The following CYP2D6 variants were observed in gnomAD, a reference collection of about 807,000 sequenced individuals.
CYP2D6 encodes cytochrome P450 2D6.
Under a neutral mutation model 43.5 loss-of-function variants are expected in CYP2D6, and 51 were observed. That is an observed-to-expected ratio of 1.17 (90% CI 0.94 to 1.48). The LOEUF (loss-of-function observed/expected upper bound fraction) is 1.48. Ranked by LOEUF, CYP2D6 falls within the 40% of genes most tolerant of loss-of-function variation. The probability of loss-of-function intolerance (pLI) is 0.00; values close to 1 mark genes in which losing one functional copy is unlikely to be tolerated. For missense variants in CYP2D6, 698 were observed against 688.0 expected, an observed-to-expected ratio of 1.01 and a Z score of -0.16; for synonymous variants, 346 against 297.1, an observed-to-expected ratio of 1.16 and a Z score of -1.69.
chr22:42,129,775 G>C lies in CYP2D6; in HGVS notation c.315C>G (p.Pro105=). Residue 105 remains proline, a synonymous_variant, in exon 2 of 9, where the codon CCC becomes CCG. Transcript: ENST00000645361. The part of the protein sequence containing the change: ...GEDTADRPPV[P]ITQILGFGPR... The stretch of plus-strand genomic sequence containing the variant: ...GCCCGAAACCCAGGATCTGGGTGAT[G>C]GGCACAGGCGGGCGGTCGGCGGTGT... The C allele has an allele frequency of 6.2e-7, 1 of 1,609,010 alleles. No homozygotes were observed. The highest frequency in any genetic ancestry group is 8.5e-7 in the Non-Finnish European group (1 of 1,178,018).
Position 42,127,031 on chromosome 22 carries a change from C to G in CYP2D6, c.1174-39G>C, listed in dbSNP as rs1299094468. The stretch of plus-strand genomic sequence containing the variant: ...GCAGGGTGAGAGTGGGGACTGGACT[C>G]TAGGATGCTGGGACCCCTGCCACCA... On this transcript the variant is annotated intron_variant, in intron 7 of 8. Coordinates refer to ENST00000645361, the MANE Select transcript of CYP2D6 (RefSeq NM_000106.6). The G allele has an allele frequency of 3.0e-5, 48 of 1,582,860 alleles. 2 individuals are homozygous for G. The highest frequency in any genetic ancestry group is 5.3e-5 in the Admixed American group (3 of 56,364).
In CYP2D6 at chr22:42,129,765, T is replaced by A. The variant is rs78459009; in HGVS notation, c.325A>T (p.Ile109Phe). The A allele has an allele frequency of 3.1e-6, 5 of 1,609,436 alleles. 2 individuals are homozygous for A. The East Asian group carries it at 6.7e-5, about 22-fold the overall frequency. ...TGGGAACGCGGCCCGAAACCCAGGA[T>A]CTGGGTGATGGGCACAGGCGGGCGG... ...ADRPPVPITQ[I>F]LGFGPRSQGV... Residue 109 changes from isoleucine to phenylalanine, a missense_variant, in exon 2 of 9, where the codon ATC (isoleucine) becomes TTC (phenylalanine). Transcript: ENST00000645361.
At position 42,129,834 on chromosome 22, in the gene CYP2D6, C is replaced by A; in HGVS notation, c.256G>T (p.Ala86Ser). 6.3e-7 allele frequency: 1 copy of A among 1,599,346 alleles called. No individual in the cohort carries two copies. Among genetic ancestry groups the A allele is most frequent in the South Asian group, 1.1e-5 (1 of 90,600 alleles). ...TGGGTCACCAGCGCCTCGCGCACGG[C>A]CGCCAGCCCATTGAGCACGACCACC... Reference protein sequence around the residue: ...TPVVVLNGLAAVREALVTHGE... With the variant: ...TPVVVLNGLASVREALVTHGE... The change falls in exon 2 of 9, where the codon GCC (alanine) becomes TCC (serine). Residue 86 changes from alanine to serine, a missense_variant. Around this residue, in one of 5 missense-constraint regions of CYP2D6, gnomAD observed 588 missense variants for 521.1 expected, o/e 1.13. Coordinates refer to ENST00000645361, the MANE Select transcript of CYP2D6 (RefSeq NM_000106.6).
At position 42,127,543 on chromosome 22, in the gene CYP2D6, C is replaced by CA; in HGVS notation, c.1076dup (p.Ile360AspfsTer3). On this transcript the variant is annotated frameshift_variant, in exon 7 of 9. Transcript: ENST00000645361. LOFTEE classifies it high-confidence loss of function. Reference sequence around the variant, plus strand: ...CCCCAAAGCGCTGCACCTCATGAATCACGGCAGTGGTGTAGGGCATGTGAG... The same window carrying CA: ...CCCCAAAGCGCTGCACCTCATGAATCAACGGCAGTGGTGTAGGGCATGTGAG... 1 of 1,612,202 alleles carries CA rather than the reference C, an allele frequency of 6.2e-7. No homozygotes were observed. The highest frequency in any genetic ancestry group is 8.5e-7 in the Non-Finnish European group (1 of 1,178,720).
At position 42,127,510 on chromosome 22, in the gene CYP2D6, G is replaced by A. The variant is rs754356733; in HGVS notation, c.1110C>T (p.Val370=). ...IHEVQRFGDI[V]PLGVTHMTSR... ...ATGTCATATGGGTCACACCCAGGGG[G>A]ACGATGTCCCCAAAGCGCTGCACCT... Residue 370 remains valine (V), a synonymous_variant, in exon 7 of 9, where the codon GTC becomes GTT. Coordinates refer to ENST00000645361, the MANE Select transcript of CYP2D6 (RefSeq NM_000106.6). 17 of 1,611,690 alleles carry A rather than the reference G, an allele frequency of 1.1e-5. No homozygotes were observed. Among genetic ancestry groups the A allele is most frequent in the African/African-American group, 1.3e-5 (1 of 74,592 alleles).
rs146558635 is a variant in CYP2D6 at position 42,130,669 on chromosome 22, G to A, written c.123C>T (p.Pro41=). 9.9e-6 allele frequency: 16 copies of A among 1,608,622 alleles called. No homozygotes were observed. The highest frequency in any genetic ancestry group is 6.6e-5 in the South Asian group (6 of 90,504). The change falls in exon 1 of 9, where the codon CCC becomes CCT. Residue 41 remains proline (P), a synonymous_variant. Coordinates refer to ENST00000645361, the MANE Select transcript of CYP2D6 (RefSeq NM_000106.6). The part of the protein sequence containing the change: ...ARYPPGPLPL[P]GLGNLLHVDF... Reference sequence around the variant, plus strand: ...CCACATGCAGCAGGTTGCCCAGCCCGGGCAGTGGCAGGGGGCCTGGTGGGT... The same window carrying A: ...CCACATGCAGCAGGTTGCCCAGCCCAGGCAGTGGCAGGGGGCCTGGTGGGT...
At chr22:42,129,677 A>T (rs1367838188) in intron 2 of CYP2D6, 61 bp downstream of exon 2, 1 of 1,596,804 alleles carries the variant, frequency 6.3e-7, no homozygotes, top group Non-Finnish European at 8.5e-7. Context: ...CCCAGCTCGG[A>T]CTACGGTCAT....
intron 8 of CYP2D6, 41 bp from the exon 9 acceptor site, chr22:42,126,793 G>A (rs1325680136): frequency 1.1e-5 from 17 of 1,546,092 alleles, no homozygotes; most frequent in Non-Finnish European, 1.0e-5. Flanking sequence ...TGGCTCCTGG[G>A]TGATACCCCT....
chr22:42,128,816 C>A lies in CYP2D6; in HGVS notation c.634G>T (p.Gly212Ter), dbSNP rs761895610. The A allele has an allele frequency of 6.2e-7, 1 of 1,608,076 alleles. No homozygotes were observed. Among genetic ancestry groups the A allele is most frequent in the South Asian group, 1.1e-5 (1 of 90,332 alleles). The change falls in exon 4 of 9, where the codon GGA becomes TGA. Residue 212 changes from glycine to a stop codon, truncating the protein, a stop_gained. Coordinates refer to ENST00000645361, the MANE Select transcript of CYP2D6 (RefSeq NM_000106.6). LOFTEE classifies it high-confidence loss of function. ...FLRLLDLAQE[G>*]LKEESGFLRE... is the part of the protein sequence containing the mutation. ...AGAAAGCCCGACTCCTCCTTCAGTCCCTCCTGAGCTAGGTCCAGCAGCCTG... is the reference window on the plus strand; with the variant it reads ...AGAAAGCCCGACTCCTCCTTCAGTCACTCCTGAGCTAGGTCCAGCAGCCTG...
chr22:42,127,506 G>T lies in CYP2D6; in HGVS notation c.1114C>A (p.Leu372Met). 6.2e-7 allele frequency: 1 copy of T among 1,611,624 alleles called. No homozygotes were observed. The highest frequency in any genetic ancestry group is 8.5e-7 in the Non-Finnish European group (1 of 1,178,284). The change falls in exon 7 of 9, where the codon CTG (leucine) becomes ATG (methionine). Residue 372 changes from leucine to methionine, a missense_variant. Leu to Met is a conservative substitution (Grantham distance 15, BLOSUM62 2). This residue lies in a region of CYP2D6 where 588 missense variants were observed against 521.1 expected (regional missense o/e 1.13). Transcript: ENST00000645361. ...EVQRFGDIVPLGVTHMTSRDI... is the reference protein window; with the variant it reads ...EVQRFGDIVPMGVTHMTSRDI... ...CGGGATGTCATATGGGTCACACCCAGGGGGACGATGTCCCCAAAGCGCTGC... is the reference window on the plus strand; with the variant it reads ...CGGGATGTCATATGGGTCACACCCATGGGGACGATGTCCCCAAAGCGCTGC...
At position 42,128,322 on chromosome 22, in the gene CYP2D6, T is replaced by C. The variant is rs1312603458; in HGVS notation, c.695A>G (p.His232Arg). 14 of 1,610,464 alleles carry C rather than the reference T, an allele frequency of 8.7e-6. 1 individual carries two copies. The highest frequency in any genetic ancestry group is 1.3e-5 in the African/African-American group (1 of 74,074). ...GACCTTGCCAGCCAGCGCTGGGATA[T>C]GCAGGAGGACGGGGACAGCATTCAG... ...EVLNAVPVLL[H>R]IPALAGKVLR... Residue 232 changes from histidine to arginine, a missense_variant, in exon 5 of 9, where the codon CAT becomes CGT. By Grantham distance (29) the His-to-Arg change is conservative (BLOSUM62 0). Transcript: ENST00000645361.
intron 2 of CYP2D6, chr22:42,129,448 AG>A: frequency 6.8e-6 from 5 of 738,780 alleles, no homozygotes; most frequent in Non-Finnish European, 1.2e-5. Flanking sequence ...CTTACAGCAC[AG>A]GTGCGGTCCC....
rs568114028 is a variant in CYP2D6 at position 42,127,676 on chromosome 22, G to A, written c.986-42C>T. 1.1e-5 allele frequency: 18 copies of A among 1,597,678 alleles called. No homozygotes were observed. The Admixed American group carries it at 2.3e-4, about 21-fold the overall frequency. On this transcript the variant is annotated intron_variant, in intron 6 of 8. Transcript: ENST00000645361. ...CCCCACAATGGGTCAGCACCCAGGG[G>A]GTCCGGCCCTGACACTCCTTCTTGC...
In CYP2D6 at chr22:42,127,484, G is replaced by A; in HGVS notation, c.1136C>T (p.Ser379Phe). 1.2e-6 allele frequency: 2 copies of A among 1,611,408 alleles called. No homozygotes were observed. Among genetic ancestry groups the A allele is most frequent in the East Asian group, 2.2e-5 (1 of 44,736 alleles). The stretch of plus-strand genomic sequence containing the variant: ...GAAGCCCTGTACTTCGATGTCACGG[G>A]ATGTCATATGGGTCACACCCAGGGG... ...IVPLGVTHMT[S>F]RDIEVQGFRI... The change falls in exon 7 of 9, where the codon TCC (serine) becomes TTC (phenylalanine). Residue 379 changes from serine (S) to phenylalanine (F), a missense_variant. By Grantham distance (155) the Ser-to-Phe change is radical. Around this residue, in one of 5 missense-constraint regions of CYP2D6, gnomAD observed 16 missense variants for 30.5 expected, o/e 0.52. Transcript: ENST00000645361.
chr22:42,127,029 C>G, intron 7 of CYP2D6, 37 bp from the exon 8 acceptor site: 1 of 1,582,314 alleles, frequency 6.3e-7, no homozygotes, highest in South Asian at 1.1e-5. Flanking sequence ...GGGGACTGGA[C>G]TCTAGGATGC....
Position 42,126,914 on chromosome 22 carries a change from C to T in CYP2D6, c.1252G>A (p.Glu418Lys), listed in dbSNP as rs28371733. The change falls in exon 8 of 9, where the codon GAA becomes AAA. Residue 418 changes from glutamate (E) to lysine (K), a missense_variant. By Grantham distance (56) the Glu-to-Lys change is moderately conservative. Around this residue, in one of 5 missense-constraint regions of CYP2D6, gnomAD observed 9 missense variants for 38.0 expected, o/e 0.24. Coordinates refer to ENST00000645361, the MANE Select transcript of CYP2D6 (RefSeq NM_000106.6). Reference sequence around the variant, plus strand: ...TGGCCCTGGGCATCCAGGAAGTGTTCGGGGTGGAAGCGGAAGGGCTTCTCC... The same window carrying T: ...TGGCCCTGGGCATCCAGGAAGTGTTTGGGGTGGAAGCGGAAGGGCTTCTCC... ...VWEKPFRFHPEHFLDAQGHFV... is the reference protein window; with the variant it reads ...VWEKPFRFHPKHFLDAQGHFV... 1,051 of 1,604,356 alleles carry T rather than the reference C, an allele frequency of 6.6e-4. 52 individuals are homozygous for T. In the African/African-American group the frequency reaches 0.011, roughly 16 times the overall value.
intron 2 of CYP2D6, 109 bp from the exon 3 acceptor site, chr22:42,129,294 T>A: frequency 7.2e-7 from 1 of 1,392,636 alleles, no homozygotes; most frequent in Non-Finnish European, 9.9e-7. Flanking sequence ...CCTGGCTCTG[T>A]CCAGCTGGTC....
chr22:42,127,729 C>A, intron 6 of CYP2D6, 95 bp from the exon 7 acceptor site: 2 of 1,572,868 alleles, frequency 1.3e-6, no homozygotes, highest in Non-Finnish European at 1.7e-6. Context: ...GTCAGGCTTA[C>A]AGGATCCTGG....
Position 42,126,534 on chromosome 22 carries a change from C to T in CYP2D6, c.*40G>A, listed in dbSNP as rs1419632105. On this transcript the variant is annotated 3_prime_UTR_variant, in exon 9 of 9. Coordinates refer to ENST00000645361, the MANE Select transcript of CYP2D6 (RefSeq NM_000106.6). ...CACATTGCTTTATTGTACATTAGAG[C>T]CTCTGGCTAGGGAGCAGGCTGGGGA... is the stretch of plus-strand genomic sequence containing the variant. 6 of 1,522,068 alleles carry T rather than the reference C, an allele frequency of 3.9e-6. No individual in the cohort carries two copies. Among genetic ancestry groups the T allele is most frequent in the Non-Finnish European group, 5.3e-6 (6 of 1,132,348 alleles). 94.3% of individuals were successfully genotyped at this position (1,522,068 alleles called of 1,614,324 possible).
Sources: allele counts gnomAD v4.1 joint callset, GRCh38; gene constraint gnomAD v4.1.1; regional missense constraint gnomAD v4.1.1; transcripts MANE v1.5; gene names NCBI Gene and HGNC (gene_info 2026-07-23, HGNC 2026-07-21).